Variants in PRIM1 observed in about 807,000 individuals in gnomAD.
PRIM1 encodes the protein DNA primase subunit 1.
PRIM1 carries 38 observed loss-of-function variants against 60.2 expected under a neutral mutation model. The observed-to-expected ratio is 0.63, with a 90% CI of 0.49 to 0.83. PRIM1 has a LOEUF of 0.83. PRIM1 is among the 40% of genes least tolerant of loss of function. PRIM1 has a pLI of 0.00. For synonymous variants in PRIM1, 158 were observed against 160.2 expected (o/e 0.99, Z 0.10); for missense variants, 388 against 506.2 (o/e 0.77, Z 2.24).
At chr12:56,734,439 A>C (rs1953808326) in intron 11 of PRIM1, among the ~76,000 whole-genome samples, 194 bp from the exon 12 acceptor site, 1 of 152,196 alleles carries the variant, frequency 6.6e-6, no homozygotes, top group Admixed American at 6.6e-5. Flanking sequence ...TCACTCTGTC[A>C]TGCAGACTGA....
At chr12:56,733,806 G>A (rs1953802845) in intron 12 of PRIM1, among the ~76,000 whole-genome samples, 2 of 151,968 alleles carry the variant, frequency 1.3e-5, no homozygotes, top group East Asian at 3.9e-4. Context: ...GGCCAGGCTG[G>A]TCTCGAACTC....
intron 11 of PRIM1, 112 bp from the exon 12 acceptor site, chr12:56,734,357 G>C: frequency 1.6e-6 from 1 of 613,878 alleles, no homozygotes; most frequent in Non-Finnish European, 2.8e-6. Flanking sequence ...TGAAATATGA[G>C]AGAAACATAC....
chr12:56,746,497 G>A, intron 4 of PRIM1: 1 of 559,040 alleles, frequency 1.8e-6, no homozygotes, highest in Non-Finnish European at 3.2e-6. Flanking sequence ...TGGGCGTGGT[G>A]GCGTGCGCCT....
chr12:56,736,149 T>C (rs1188887516), intron 11 of PRIM1, among the ~76,000 whole-genome samples: 3 of 150,356 alleles, frequency 2.0e-5, no homozygotes, highest in Admixed American at 6.6e-5. Context: ...AATACAAAAA[T>C]TAGCTGGACG....
intron 10 of PRIM1, 151 bp downstream of exon 10, chr12:56,739,143 G>T: frequency 4.2e-6 from 2 of 477,164 alleles, no homozygotes; most frequent in Non-Finnish European, 7.1e-6. Context: ...GTTCTATTAG[G>T]GCATCGTCAT....
chr12:56,731,806 T>C, intron 12 of PRIM1, 72 bp from the exon 13 acceptor site: 2 of 1,262,770 alleles, frequency 1.6e-6, no homozygotes, highest in Non-Finnish European at 2.2e-6. Flanking sequence ...TTTTACATTC[T>C]TTTTTGCCTA....
chr12:56,742,867 T>C, intron 7 of PRIM1, 120 bp downstream of exon 7: 1 of 718,442 alleles, frequency 1.4e-6, no homozygotes, highest in South Asian at 2.1e-5. Context: ...AGGAGATATT[T>C]TGTGTAAAAA....
In PRIM1 at chr12:56,736,328, GAA is replaced by G. The variant is rs1224673410; in HGVS notation, c.1145-2085_1145-2084del. On this transcript the variant is annotated intron_variant, in intron 11 of 12. Transcript: ENST00000338193. ...AAAAAAAAAAAAAAAAAAAAAAAAA[GAA>G]TATACAATTTTATTCATCCATTTAA... Among the ~76,000 whole-genome samples, 4 of 50,160 alleles carry G rather than the reference GAA, an allele frequency of 8.0e-5. No homozygotes were observed. The East Asian group carries it at 2.4e-3, about 30-fold the overall frequency. 32.9% of individuals were successfully genotyped at this position (50,160 alleles called of 152,430 possible).
chr12:56,731,612 A>T lies in PRIM1; in HGVS notation c.*103T>A. On this transcript the variant is annotated 3_prime_UTR_variant, in exon 13 of 13. Transcript: ENST00000338193. ...TCAAGGAAAATTTACTTTGAGGTTT[A>T]AGACACATATATAGTTCTGCCATAT... 1.8e-6 allele frequency: 2 copies of T among 1,122,016 alleles called. No individual in the cohort carries two copies. The highest frequency in any genetic ancestry group is 1.6e-5 in the African/African-American group (1 of 61,276). 69.5% of individuals were successfully genotyped at this position (1,122,016 alleles called of 1,614,324 possible).
intron 12 of PRIM1, among the ~76,000 whole-genome samples, chr12:56,733,792 T>C (rs759501549): frequency 6.6e-6 from 1 of 151,978 alleles, no homozygotes; most frequent in South Asian, 2.1e-4. Flanking sequence ...GGTTTCACCA[T>C]GTTGGCCAGG....
At chr12:56,744,271 G>T (rs929812178) in intron 5 of PRIM1, 148 bp from the exon 6 acceptor site, 24 of 560,346 alleles carry the variant, frequency 4.3e-5, no homozygotes, top group Non-Finnish European at 6.9e-5. Context: ...TTGGGAGGCT[G>T]AGGTGGGTGG....
Position 56,741,457 on chromosome 12 carries a change from AG to A in PRIM1, c.959del (p.Pro320LeufsTer31), listed in dbSNP as rs1471634393. 2 of 1,613,048 alleles carry A rather than the reference AG, an allele frequency of 1.2e-6. No individual in the cohort carries two copies. The highest frequency in any genetic ancestry group is 3.3e-5 in the Admixed American group (2 of 59,778). On this transcript the variant is annotated frameshift_variant, in exon 9 of 13. Coordinates refer to ENST00000338193, the MANE Select transcript of PRIM1 (RefSeq NM_000946.3). LOFTEE classifies it high-confidence loss of function. ...SKGINHLLKS[P>X]FSVHPKTGRI... is the part of the protein sequence containing the mutation. Reference sequence around the variant, plus strand: ...TACCTGTTTTAGGATGAACACTAAAAGGGCTCTTCAGTAGATGATTGATTCC... The same window carrying A: ...TACCTGTTTTAGGATGAACACTAAAAGGCTCTTCAGTAGATGATTGATTCC...
At chr12:56,733,010 A>G (rs1375698348) in intron 12 of PRIM1, among the ~76,000 whole-genome samples, 3 of 150,996 alleles carry the variant, frequency 2.0e-5, no homozygotes, top group Non-Finnish European at 2.9e-5. Context: ...GCACAATACC[A>G]CGCCCGGCTA....
chr12:56,738,460 TC>T lies in PRIM1; in HGVS notation c.1117del (p.Glu373AsnfsTer16). ...NEEEKEENEA[E>X]SDVKHRTRDY... The stretch of plus-strand genomic sequence containing the variant: ...TCTGGTTCTATGTTTGACATCAGAT[TC>T]AGCTTCATTCTCCTCTTTTTCCTCT... On this transcript the variant is annotated frameshift_variant, in exon 11 of 13. Transcript: ENST00000338193. LOFTEE classifies it high-confidence loss of function. 1 of 1,585,334 alleles carries T rather than the reference TC, an allele frequency of 6.3e-7. No individual in the cohort carries two copies. Among genetic ancestry groups the T allele is most frequent in the Non-Finnish European group, 8.6e-7 (1 of 1,164,148 alleles).
intron 2 of PRIM1, among the ~76,000 whole-genome samples, chr12:56,748,359 G>A (rs1322373499): frequency 6.6e-6 from 1 of 152,122 alleles, no homozygotes; most frequent in African/African-American, 2.4e-5. Context: ...TGGGCGCAGT[G>A]GCTCACGACT....
intron 12 of PRIM1, among the ~76,000 whole-genome samples, chr12:56,733,146 T>C (rs1449189146): frequency 1.4e-5 from 2 of 144,404 alleles, no homozygotes; most frequent in Non-Finnish European, 3.0e-5. Flanking sequence ...TGAGCCACCG[T>C]GTCCGGCCTA....
chr12:56,736,298 TAAA>T (rs756452647), intron 11 of PRIM1, among the ~76,000 whole-genome samples: 12 of 24,320 alleles, frequency 4.9e-4, no homozygotes, highest in African/African-American at 2.3e-3. Flanking sequence ...ACTCTTTCTC[TAAA>T]AAAAAAAAAA....
chr12:56,731,835 C>T, intron 12 of PRIM1, 101 bp from the exon 13 acceptor site: 1 of 891,864 alleles, frequency 1.1e-6, no homozygotes, highest in Non-Finnish European at 1.7e-6. Context: ...ATTTAACACA[C>T]ATCATGCACA....
At chr12:56,749,967 G>A (rs986213837) in intron 2 of PRIM1, among the ~76,000 whole-genome samples, 7 of 152,126 alleles carry the variant, frequency 4.6e-5, no homozygotes, top group Non-Finnish European at 1.5e-5. Context: ...AGTGGCAGGG[G>A]GTGGGAGGAG....
Sources: allele counts gnomAD v4.1 joint callset (sites outside exome capture counted in the v4.1 genomes callset), GRCh38; gene constraint gnomAD v4.1.1; transcripts MANE v1.5; gene names NCBI Gene and HGNC (gene_info 2026-07-23, HGNC 2026-07-21).